L3MBTL4: variants seen among roughly 807,000 people sequenced by gnomAD.
The protein encoded by L3MBTL4 is lethal(3)malignant brain tumor-like protein 4.
In L3MBTL4, 70 loss-of-function variants were observed where a neutral mutation model predicts 84.5. The observed-to-expected ratio is 0.83, with a 90% confidence interval of 0.68 to 1.01. The LOEUF (loss-of-function observed/expected upper bound fraction) is 1.01. Among genes scored for constraint, L3MBTL4 ranks in the 50% least tolerant of loss-of-function variants. The pLI, the probability that L3MBTL4 is intolerant of heterozygous loss-of-function variation, is 0.00. For missense variants in L3MBTL4, 715 were observed against 754.8 expected (o/e 0.95, Z 0.62); for synonymous variants, 274 against 259.8 (o/e 1.05, Z -0.52).
At chr18:6,123,043 C>T (rs909603127) in intron 14 of L3MBTL4, among the ~76,000 whole-genome samples, 2 of 152,024 alleles carry the variant, frequency 1.3e-5, no homozygotes, top group African/African-American at 4.8e-5. Flanking sequence ...TTTTCCTGTG[C>T]CTAGTAGATA....
chr18:6,079,312 CGT>C (rs2057987264), intron 16 of L3MBTL4, among the ~76,000 whole-genome samples: 1 of 152,220 alleles, frequency 6.6e-6, no homozygotes, highest in Admixed American at 6.5e-5. Context: ...CACAGGCAGC[CGT>C]GTGCTCCACC....
At chr18:6,148,060 T>A (rs2042729238) in intron 13 of L3MBTL4, among the ~76,000 whole-genome samples, 1 of 152,118 alleles carries the variant, frequency 6.6e-6, no homozygotes. Flanking sequence ...TCGAAGCATC[T>A]GAGATCTGGT....
intron 4 of L3MBTL4, 43 bp from the exon 5 acceptor site, chr18:6,264,081 A>T (rs745674906): frequency 7.3e-7 from 1 of 1,377,826 alleles, no homozygotes; most frequent in Non-Finnish European, 1.0e-6. Flanking sequence ...ATGATTAGTG[A>T]CAGGAAAATA....
intron 1 of L3MBTL4, among the ~76,000 whole-genome samples, chr18:6,408,110 GA>G (rs1381036078): frequency 7.9e-5 from 12 of 151,974 alleles, no homozygotes; most frequent in African/African-American, 2.2e-4. Flanking sequence ...GGAAAACTGT[GA>G]AAAAAAATTC....
chr18:6,035,601 C>G (rs1205741501), intron 16 of L3MBTL4, among the ~76,000 whole-genome samples: 10 of 152,158 alleles, frequency 6.6e-5, no homozygotes, highest in Non-Finnish European at 1.5e-5. Context: ...TGGCTTTGTT[C>G]TTTTGGCTTA....
At chr18:5,993,553 TC>T (rs200481111) in intron 16 of L3MBTL4, among the ~76,000 whole-genome samples, 3 of 152,220 alleles carry the variant, frequency 2.0e-5, no homozygotes, top group Non-Finnish European at 2.9e-5. Context: ...AAGTTTTTTT[TC>T]CCATTATTTT....
intron 1 of L3MBTL4, among the ~76,000 whole-genome samples, chr18:6,338,879 A>T (rs2052470910): frequency 6.6e-6 from 1 of 152,174 alleles, no homozygotes; most frequent in South Asian, 2.1e-4. Context: ...CCTAGACTGT[A>T]AGGCAAGAAA....
intron 1 of L3MBTL4, among the ~76,000 whole-genome samples, chr18:6,385,480 A>G (rs1188356648): frequency 6.6e-6 from 1 of 152,164 alleles, no homozygotes; most frequent in Non-Finnish European, 1.5e-5. Flanking sequence ...CAGTCACTAA[A>G]ACAGAGGAAA....
intron 4 of L3MBTL4, among the ~76,000 whole-genome samples, chr18:6,270,548 G>A (rs115231773): frequency 0.016 from 2,391 of 152,248 alleles, 47 homozygotes; most frequent in African/African-American, 0.054. Flanking sequence ...AATGTGTCTG[G>A]AATCAAAATG....
chr18:6,392,920 A>G (rs559732730), intron 1 of L3MBTL4, among the ~76,000 whole-genome samples: 33 of 152,306 alleles, frequency 2.2e-4, no homozygotes, highest in South Asian at 1.0e-3. Flanking sequence ...GGAGACTCAG[A>G]AGTGGGGAGA....
chr18:6,235,998 T>C (rs1320381278), intron 10 of L3MBTL4, among the ~76,000 whole-genome samples: 1 of 152,180 alleles, frequency 6.6e-6, no homozygotes, highest in Non-Finnish European at 1.5e-5. Context: ...AACTTAATAT[T>C]GTGAAGATGA....
At chr18:6,370,868 G>A (rs2054132369) in intron 1 of L3MBTL4, among the ~76,000 whole-genome samples, 2 of 152,152 alleles carry the variant, frequency 1.3e-5, no homozygotes, top group Admixed American at 6.5e-5. Context: ...CATGACTGGA[G>A]GCCAGCGCTT....
At chr18:6,021,509 G>A (rs1049483682) in intron 16 of L3MBTL4, among the ~76,000 whole-genome samples, 2 of 152,146 alleles carry the variant, frequency 1.3e-5, no homozygotes, top group Admixed American at 6.5e-5. Flanking sequence ...TGGAAGCACC[G>A]CGGCGTGCCA....
At chr18:6,347,835 GA>G (rs1482507173) in intron 1 of L3MBTL4, among the ~76,000 whole-genome samples, 1 of 151,292 alleles carries the variant, frequency 6.6e-6, no homozygotes, top group Admixed American at 6.6e-5. Context: ...AAGAAAAATA[GA>G]AAAACAATCA....
intron 16 of L3MBTL4, among the ~76,000 whole-genome samples, chr18:5,984,815 T>C (rs767416266): frequency 4.6e-5 from 7 of 152,244 alleles, no homozygotes; most frequent in African/African-American, 7.2e-5. Context: ...TCATAGCTAA[T>C]GATCTACGTG....
chr18:6,163,178 A>G (rs2145039356), intron 13 of L3MBTL4, among the ~76,000 whole-genome samples: 1 of 150,360 alleles, frequency 6.7e-6, no homozygotes, highest in African/African-American at 2.4e-5. Context: ...CCAGTGGAAA[A>G]AGAATTCAGT....
intron 14 of L3MBTL4, among the ~76,000 whole-genome samples, chr18:6,104,613 T>C (rs2058938527): frequency 6.6e-6 from 1 of 152,168 alleles, no homozygotes; most frequent in African/African-American, 2.4e-5. Context: ...AGGTATAAAG[T>C]TTTAGTTACC....
intron 1 of L3MBTL4, among the ~76,000 whole-genome samples, chr18:6,352,168 CT>C (rs2053230608): frequency 2.0e-5 from 3 of 152,300 alleles, no homozygotes; most frequent in Admixed American, 2.0e-4. Context: ...TCTCAGCATT[CT>C]CTGCCAAATC....
intron 1 of L3MBTL4, among the ~76,000 whole-genome samples, chr18:6,345,793 T>C (rs1474439383): frequency 6.6e-6 from 1 of 152,084 alleles, no homozygotes; most frequent in African/African-American, 2.4e-5. Context: ...AAAATTCCAA[T>C]GGCATTTTTC....
Sources: allele counts gnomAD v4.1 joint callset (sites outside exome capture counted in the v4.1 genomes callset), GRCh38; gene constraint gnomAD v4.1.1; transcripts MANE v1.5; gene names NCBI Gene and HGNC (gene_info 2026-07-23, HGNC 2026-07-21).